The following ESRRG variants were observed in gnomAD, a reference collection of about 807,000 sequenced individuals.
The protein encoded by ESRRG is estrogen related receptor gamma.
A neutral mutation model predicts 44.0 loss-of-function variants in ESRRG; 13 were observed. That is an observed-to-expected ratio of 0.30 (90% confidence interval 0.19 to 0.47). The LOEUF (loss-of-function observed/expected upper bound fraction) is 0.47. Ranked by LOEUF, ESRRG falls within the 20% of genes least tolerant of loss-of-function variation. The pLI is 1.00. For synonymous variants in ESRRG, 215 were observed against 214.6 expected, an observed-to-expected ratio of 1.00 and a Z score of -0.02; for missense variants, 395 against 580.6, an observed-to-expected ratio of 0.68 and a Z score of 3.29.
chr1:216,768,450 T>TC (rs2093200840), intron 2 of ESRRG, among the ~76,000 whole-genome samples: 35 of 114,686 alleles, frequency 3.1e-4, no homozygotes, highest in African/African-American at 1.1e-3. Flanking sequence ...CTATCTATCA[T>TC]TATCTATCTA....
At chr1:216,682,709 A>T (rs1429196921) in intron 1 of ESRRG, among the ~76,000 whole-genome samples, 1 of 144,662 alleles carries the variant, frequency 6.9e-6, no homozygotes, top group Non-Finnish European at 1.5e-5. Context: ...AATACTCTAT[A>T]GTGTGTGTGT....
chr1:216,522,163 G>T (rs1299722868), intron 5 of ESRRG, among the ~76,000 whole-genome samples: 8 of 150,310 alleles, frequency 5.3e-5, no homozygotes, highest in Non-Finnish European at 1.2e-4. Flanking sequence ...GTGTGTGCAT[G>T]TGTGTGTGTT....
At chr1:216,574,065 T>C (rs1055163220) in intron 3 of ESRRG, among the ~76,000 whole-genome samples, 1 of 152,038 alleles carries the variant, frequency 6.6e-6, no homozygotes, top group Non-Finnish European at 1.5e-5. Flanking sequence ...TTTGAAGAAG[T>C]TTAAAAATAA....
At chr1:216,908,809 T>G (rs2059973829) in intron 2 of ESRRG, among the ~76,000 whole-genome samples, 1 of 146,168 alleles carries the variant, frequency 6.8e-6, no homozygotes, top group Non-Finnish European at 1.5e-5. Flanking sequence ...CAAGGCAATG[T>G]GCCGTAGGGT....
chr1:217,060,560 G>T (rs1490959866), intron 1 of ESRRG, among the ~76,000 whole-genome samples: 1 of 152,014 alleles, frequency 6.6e-6, no homozygotes, highest in Non-Finnish European at 1.5e-5. Flanking sequence ...GTAGTGTCAG[G>T]CAGGTGAAGA....
chr1:216,610,804 T>C (rs903868209), intron 3 of ESRRG, among the ~76,000 whole-genome samples: 1 of 152,180 alleles, frequency 6.6e-6, no homozygotes, highest in Admixed American at 6.6e-5. Context: ...TTAACTCATT[T>C]ATTCCTTAGA....
chr1:217,111,814 C>T (rs919047479), intron 1 of ESRRG, among the ~76,000 whole-genome samples: 4 of 152,176 alleles, frequency 2.6e-5, no homozygotes, highest in African/African-American at 9.7e-5. Flanking sequence ...GTGTGCTCTT[C>T]CTCTCATTGA....
intron 4 of ESRRG, among the ~76,000 whole-genome samples, chr1:216,566,046 G>C (rs1024578994): frequency 6.6e-6 from 1 of 151,834 alleles, no homozygotes; most frequent in Non-Finnish European, 1.5e-5. Flanking sequence ...TACTTGACAC[G>C]AGAGGTCAGA....
intron 1 of ESRRG, among the ~76,000 whole-genome samples, chr1:217,086,479 T>A (rs776755778): frequency 6.6e-6 from 1 of 152,176 alleles, no homozygotes; most frequent in East Asian, 1.9e-4. Flanking sequence ...ACTGTACGCA[T>A]CATTTCTGAT....
chr1:216,592,932 T>C (rs1036411236), intron 3 of ESRRG, among the ~76,000 whole-genome samples: 2 of 152,220 alleles, frequency 1.3e-5, no homozygotes, highest in African/African-American at 4.8e-5. Flanking sequence ...GAGATAGGTA[T>C]TACTATGTTT....
intron 1 of ESRRG, among the ~76,000 whole-genome samples, chr1:217,096,240 A>G (rs535762050): frequency 1.3e-5 from 2 of 152,298 alleles, no homozygotes; most frequent in African/African-American, 2.4e-5. Flanking sequence ...TTTCCATTTG[A>G]GATAGCGCAT....
chr1:216,556,078 C>T (rs1429891774), intron 5 of ESRRG, among the ~76,000 whole-genome samples: 5 of 152,114 alleles, frequency 3.3e-5, no homozygotes, highest in African/African-American at 1.2e-4. Flanking sequence ...AGCATTTAAG[C>T]ATATATGAAT....
At chr1:217,077,229 C>A (rs1451082522) in intron 1 of ESRRG, among the ~76,000 whole-genome samples, 1 of 152,130 alleles carries the variant, frequency 6.6e-6, no homozygotes, top group East Asian at 1.9e-4. Context: ...TTTCAGGGAG[C>A]AAGCTCTTAA....
intron 1 of ESRRG, among the ~76,000 whole-genome samples, chr1:216,991,120 T>C (rs1404003158): frequency 3.3e-5 from 5 of 152,030 alleles, no homozygotes; most frequent in Non-Finnish European, 7.4e-5. Context: ...AGGGATCTAG[T>C]TTGCGTGCTC....
chr1:217,123,017 A>G (rs1391261590), intron 1 of ESRRG, among the ~76,000 whole-genome samples: 3 of 152,028 alleles, frequency 2.0e-5, no homozygotes, highest in Non-Finnish European at 4.4e-5. Flanking sequence ...TAACCACTTT[A>G]GCCCAGAAGT....
At chr1:216,820,129 A>C (rs2095254753) in intron 2 of ESRRG, among the ~76,000 whole-genome samples, 1 of 152,144 alleles carries the variant, frequency 6.6e-6, no homozygotes, top group South Asian at 2.1e-4. Flanking sequence ...TAAAAAGAAA[A>C]ATTTTAAGGA....
intron 2 of ESRRG, among the ~76,000 whole-genome samples, chr1:216,801,289 G>A (rs756280422): frequency 8.5e-5 from 13 of 152,160 alleles, no homozygotes; most frequent in South Asian, 2.1e-4. Context: ...GGCTGGACTC[G>A]AACCCCTGTC....
At chr1:216,978,198 A>G (rs1489467231) in intron 1 of ESRRG, among the ~76,000 whole-genome samples, 3 of 152,032 alleles carry the variant, frequency 2.0e-5, no homozygotes, top group Non-Finnish European at 4.4e-5. Flanking sequence ...CAAATTCACC[A>G]CCCCCAACTC....
chr1:217,134,142 G>C (rs2093013901), intron 1 of ESRRG, among the ~76,000 whole-genome samples: 1 of 152,112 alleles, frequency 6.6e-6, no homozygotes, highest in South Asian at 2.1e-4. Flanking sequence ...ATGTGAGCTC[G>C]GGAGGGAACT....
Sources: allele counts gnomAD v4.1 joint callset (sites outside exome capture counted in the v4.1 genomes callset), GRCh38; gene constraint gnomAD v4.1.1; transcripts MANE v1.5; gene names NCBI Gene and HGNC (gene_info 2026-07-23, HGNC 2026-07-21).